SNTG2: variants seen among roughly 807,000 people sequenced by gnomAD.
SNTG2 encodes syntrophin gamma 2.
Under a neutral mutation model 70.9 loss-of-function variants are expected in SNTG2, and 74 were observed. The ratio of observed to expected loss-of-function variants is 1.04; its 90% CI spans 0.86 to 1.27. The LOEUF is 1.27. Ranked by LOEUF, SNTG2 falls within the 50% of genes most tolerant of loss-of-function variation. The pLI is 0.00. For missense variants in SNTG2, 717 were observed against 690.7 expected (o/e 1.04, Z -0.43); for synonymous variants, 278 against 273.8 (o/e 1.02, Z -0.15).
intron 16 of SNTG2, among the ~76,000 whole-genome samples, chr2:1,324,177 C>G (rs1681666812): frequency 6.6e-6 from 1 of 152,172 alleles, no homozygotes; most frequent in Admixed American, 6.5e-5. Context: ...CTAACAGTCA[C>G]ATGGCGGAGA....
chr2:1,156,761 G>C (rs1463489415), intron 6 of SNTG2, among the ~76,000 whole-genome samples: 1 of 152,106 alleles, frequency 6.6e-6, no homozygotes, highest in Non-Finnish European at 1.5e-5. Flanking sequence ...GCTGTCATTT[G>C]AGACGTGGGT....
At chr2:1,049,758 C>A (rs1431527690) in intron 1 of SNTG2, among the ~76,000 whole-genome samples, 1 of 152,208 alleles carries the variant, frequency 6.6e-6, no homozygotes, top group African/African-American at 2.4e-5. Flanking sequence ...GCATTCTCAC[C>A]AGCAATGAAT....
intron 1 of SNTG2, among the ~76,000 whole-genome samples, chr2:960,813 A>T (rs892680654): frequency 1.4e-5 from 2 of 146,958 alleles, no homozygotes; most frequent in Admixed American, 1.3e-4. Flanking sequence ...ATGCCTGTTC[A>T]TGGGAGCACG....
chr2:1,333,342 G>A (rs1436638080), intron 16 of SNTG2, among the ~76,000 whole-genome samples: 1 of 152,164 alleles, frequency 6.6e-6, no homozygotes, highest in South Asian at 2.1e-4. Context: ...TTATGAATGG[G>A]TAGGATCAAT....
chr2:1,356,656 A>AT (rs1403199721), intron 16 of SNTG2, among the ~76,000 whole-genome samples: 3 of 152,090 alleles, frequency 2.0e-5, no homozygotes, highest in Non-Finnish European at 2.9e-5. Context: ...GCTATTCAGG[A>AT]TTTTTTGTGG....
chr2:1,099,257 T>C (rs1352273703), intron 4 of SNTG2, among the ~76,000 whole-genome samples: 2 of 152,054 alleles, frequency 1.3e-5, no homozygotes, highest in Non-Finnish European at 1.5e-5. Flanking sequence ...TTAGCTTATG[T>C]CCTTGAGGCC....
At chr2:1,279,581 A>G (rs1403272323) in intron 14 of SNTG2, among the ~76,000 whole-genome samples, 1 of 152,100 alleles carries the variant, frequency 6.6e-6, no homozygotes, top group African/African-American at 2.4e-5. Flanking sequence ...ATCATTTTTC[A>G]TGTGGTTTGT....
At chr2:1,135,458 G>A (rs1410687886) in intron 4 of SNTG2, among the ~76,000 whole-genome samples, 2 of 152,186 alleles carry the variant, frequency 1.3e-5, no homozygotes, top group African/African-American at 2.4e-5. Flanking sequence ...GGTGGCTCAC[G>A]CCTGTAATCC....
chr2:1,282,256 G>GC (rs1378710388), intron 14 of SNTG2, among the ~76,000 whole-genome samples: 2 of 152,058 alleles, frequency 1.3e-5, no homozygotes, highest in Non-Finnish European at 2.9e-5. Context: ...TACGTGCACC[G>GC]CCGAGTTTCT....
At chr2:1,037,317 C>G (rs1661187429) in intron 1 of SNTG2, among the ~76,000 whole-genome samples, 7 of 152,200 alleles carry the variant, frequency 4.6e-5, no homozygotes, top group Non-Finnish European at 1.5e-5. Flanking sequence ...TGCCTGTTCT[C>G]TGAAGGAGGA....
At chr2:1,127,653 G>A (rs1184842386) in intron 4 of SNTG2, among the ~76,000 whole-genome samples, 1 of 151,876 alleles carries the variant, frequency 6.6e-6, no homozygotes, top group African/African-American at 2.4e-5. Flanking sequence ...TTTCCTTGTA[G>A]GGATCTTCCA....
intron 11 of SNTG2, among the ~76,000 whole-genome samples, chr2:1,246,711 T>G (rs1461625988): frequency 7.3e-6 from 1 of 136,184 alleles, no homozygotes; most frequent in African/African-American, 2.8e-5. Context: ...TTAGATAACA[T>G]GGATTTTTCT....
At chr2:1,012,359 G>A (rs1474060391) in intron 1 of SNTG2, among the ~76,000 whole-genome samples, 1 of 152,236 alleles carries the variant, frequency 6.6e-6, no homozygotes, top group Non-Finnish European at 1.5e-5. Context: ...ATGTCCCTGT[G>A]TGGGAGGCCA....
chr2:1,099,699 T>C (rs963320707), intron 4 of SNTG2, among the ~76,000 whole-genome samples: 2 of 84,254 alleles, frequency 2.4e-5, no homozygotes, highest in African/African-American at 9.7e-5. Context: ...AGGGCAGTCA[T>C]GGTCAGGTCA....
intron 12 of SNTG2, among the ~76,000 whole-genome samples, chr2:1,250,085 G>C (rs1677664186): frequency 6.6e-6 from 1 of 152,176 alleles, no homozygotes; most frequent in African/African-American, 2.4e-5. Context: ...GAAGGAACTG[G>C]AAATCGCAGA....
At chr2:1,364,495 G>A (rs1436336091) in intron 16 of SNTG2, among the ~76,000 whole-genome samples, 1 of 151,664 alleles carries the variant, frequency 6.6e-6, no homozygotes, top group East Asian at 2.0e-4. Context: ...GGTGGCTCAC[G>A]CCTGTAATCC....
intron 1 of SNTG2, among the ~76,000 whole-genome samples, chr2:1,072,708 T>G (rs1663658241): frequency 6.6e-6 from 1 of 152,138 alleles, no homozygotes; most frequent in Admixed American, 6.5e-5. Context: ...GAAATACATC[T>G]CATAAAGTTA....
chr2:981,335 A>G (rs541812870), intron 1 of SNTG2, among the ~76,000 whole-genome samples: 1 of 152,348 alleles, frequency 6.6e-6, no homozygotes, highest in Admixed American at 6.5e-5. Context: ...TGTAGTATAT[A>G]ATGTTGCTGT....
intron 14 of SNTG2, among the ~76,000 whole-genome samples, chr2:1,270,265 A>G (rs746562180): frequency 2.2e-4 from 33 of 152,196 alleles, no homozygotes; most frequent in Non-Finnish European, 4.4e-4. Flanking sequence ...CTCTTCATGA[A>G]TTAGAGAAAA....
Sources: allele counts gnomAD v4.1 joint callset (sites outside exome capture counted in the v4.1 genomes callset), GRCh38; gene constraint gnomAD v4.1.1; transcripts MANE v1.5; gene names NCBI Gene and HGNC (gene_info 2026-07-23, HGNC 2026-07-21).